HYCC2: variants seen among roughly 807,000 people sequenced by gnomAD.
The protein encoded by HYCC2 is hyccin 2.
chr2:201,035,282 T>C, the HYCC2 span, among the ~76,000 whole-genome samples: 3 of 152,228 alleles, frequency 2.0e-5, no homozygotes, highest in African/African-American at 7.2e-5. Context: ...CCCATATTTC[T>C]TGGAGGCTTT....
the HYCC2 span, among the ~76,000 whole-genome samples, chr2:201,058,071 T>C: frequency 6.6e-6 from 1 of 152,316 alleles, no homozygotes; most frequent in South Asian, 2.1e-4. Context: ...CATTTTCTTA[T>C]GCTACATTCC....
At chr2:200,974,655 T>C in the HYCC2 span, 1 of 151,962 alleles carries the variant, frequency 6.6e-6, no homozygotes, top group Admixed American at 6.5e-5. Flanking sequence ...CTAATCAATA[T>C]ACTCATTACT....
the HYCC2 span, among the ~76,000 whole-genome samples, chr2:201,034,457 G>T: frequency 1.3e-5 from 2 of 151,740 alleles, no homozygotes; most frequent in Admixed American, 1.3e-4. Flanking sequence ...TCCATTTGCT[G>T]GGTAGATCTT....
chr2:201,054,880 G>C, the HYCC2 span, among the ~76,000 whole-genome samples: 1 of 152,034 alleles, frequency 6.6e-6, no homozygotes, highest in Admixed American at 6.6e-5. Flanking sequence ...GCCCAGGCTG[G>C]TCTTAAACTC....
chr2:201,038,396 T>C, the HYCC2 span, among the ~76,000 whole-genome samples: 2 of 152,312 alleles, frequency 1.3e-5, no homozygotes, highest in East Asian at 3.9e-4. Flanking sequence ...TTGCTGGGTA[T>C]ATACCCAAAG....
At chr2:201,053,799 C>T in the HYCC2 span, among the ~76,000 whole-genome samples, 3 of 152,106 alleles carry the variant, frequency 2.0e-5, no homozygotes, top group East Asian at 5.8e-4. Flanking sequence ...CCTGTCTCTA[C>T]TAAAAATACA....
chr2:200,976,921 C>T, the HYCC2 span: 1 of 152,160 alleles, frequency 6.6e-6, no homozygotes, highest in African/African-American at 2.4e-5. Context: ...TAGCTTGCCA[C>T]ACTGGTGACT....
the HYCC2 span, among the ~76,000 whole-genome samples, chr2:201,020,871 G>A: frequency 2.6e-5 from 4 of 152,224 alleles, no homozygotes; most frequent in Admixed American, 6.5e-5. Context: ...AAGTTCAAGC[G>A]ATTCTCCTGC....
the HYCC2 span, among the ~76,000 whole-genome samples, chr2:200,993,336 C>T: frequency 1.4e-4 from 22 of 152,258 alleles, no homozygotes; most frequent in Middle Eastern, 3.4e-3. Flanking sequence ...AACTTTTACT[C>T]ACCCCAAATT....
chr2:201,060,054 C>CG, the HYCC2 span, among the ~76,000 whole-genome samples: 2,066 of 36,370 alleles, frequency 0.057, 124 homozygotes, highest in Non-Finnish European at 0.11. Flanking sequence ...AAAAAAAAAG[C>CG]GGGGGGGGGG....
At chr2:201,027,299 T>C in the HYCC2 span, among the ~76,000 whole-genome samples, 2 of 151,810 alleles carry the variant, frequency 1.3e-5, no homozygotes, top group South Asian at 2.1e-4. Flanking sequence ...CAATAACAGG[T>C]TCTGAAACTG....
At chr2:200,975,046 G>T in the HYCC2 span, 3 of 151,800 alleles carry the variant, frequency 2.0e-5, no homozygotes, top group Non-Finnish European at 2.9e-5. Context: ...ATTCAATCCT[G>T]ATGAGTAGGA....
At chr2:201,017,197 C>A in the HYCC2 span, 2 of 1,550,730 alleles carry the variant, frequency 1.3e-6, no homozygotes, top group South Asian at 2.4e-5. Context: ...GTGCACTGGT[C>A]ATTTCAATTC....
chr2:200,976,655 GA>G, the HYCC2 span: 5 of 151,950 alleles, frequency 3.3e-5, no homozygotes, highest in African/African-American at 1.2e-4. Flanking sequence ...ATACAGACTG[GA>G]AATACTGAGC....
chr2:201,012,984 C>A, the HYCC2 span, among the ~76,000 whole-genome samples: 3 of 151,162 alleles, frequency 2.0e-5, no homozygotes, highest in Non-Finnish European at 4.4e-5. Context: ...CACACACACA[C>A]GCCTACAGAT....
chr2:201,031,983 A>G, the HYCC2 span, among the ~76,000 whole-genome samples: 1 of 151,878 alleles, frequency 6.6e-6, no homozygotes, highest in East Asian at 1.9e-4. Context: ...ATTTTTTGAG[A>G]CAGAGTCTCG....
the HYCC2 span, among the ~76,000 whole-genome samples, chr2:201,028,030 C>G: frequency 2.6e-5 from 4 of 152,270 alleles, no homozygotes; most frequent in African/African-American, 7.2e-5. Context: ...AATTGTCCCT[C>G]TTTGCAGATG....
At chr2:201,063,150 T>C in the HYCC2 span, 41 of 1,605,164 alleles carry the variant, frequency 2.6e-5, no homozygotes, top group Middle Eastern at 2.3e-4. Flanking sequence ...ATTGGAGGGT[T>C]GAGCTTTGAA....
At chr2:200,991,295 C>T in the HYCC2 span, among the ~76,000 whole-genome samples, 1 of 152,088 alleles carries the variant, frequency 6.6e-6, no homozygotes, top group Non-Finnish European at 1.5e-5. Flanking sequence ...CATAGTGAAA[C>T]TCCATCTCTA....
Sources: allele counts gnomAD v4.1 joint callset (sites outside exome capture counted in the v4.1 genomes callset), GRCh38; gene constraint gnomAD v4.1.1; transcripts MANE v1.5; gene names NCBI Gene and HGNC (gene_info 2026-07-23, HGNC 2026-07-21).